Variants in FOCAD observed in about 807,000 individuals in gnomAD.
FOCAD encodes KIAA1797.
Under a neutral mutation model 225.6 loss-of-function variants are expected in FOCAD, and 198 were observed. The ratio of observed to expected loss-of-function variants is 0.88; its 90% CI spans 0.78 to 0.99. The LOEUF (loss-of-function observed/expected upper bound fraction) is 0.99. Ranked by LOEUF, FOCAD falls within the 50% of genes least tolerant of loss-of-function variation. The pLI is 0.00. For missense variants in FOCAD, 2,713 were observed against 2,123.6 expected, an observed-to-expected ratio of 1.28 and a Z score of -5.46; for synonymous variants, 897 against 755.0, an observed-to-expected ratio of 1.19 and a Z score of -3.08.
intron 11 of FOCAD, among the ~76,000 whole-genome samples, chr9:20,807,809 G>A (rs1376714336): frequency 1.3e-5 from 2 of 152,134 alleles, no homozygotes; most frequent in Non-Finnish European, 2.9e-5. Context: ...CAGCACTTTG[G>A]GAGGTGAAGG....
chr9:20,709,952 A>T (rs1824697098), intron 1 of FOCAD, among the ~76,000 whole-genome samples: 1 of 152,162 alleles, frequency 6.6e-6, no homozygotes, highest in Non-Finnish European at 1.5e-5. Flanking sequence ...ATCTTTTTGG[A>T]TGGCTCAGCT....
intron 35 of FOCAD, among the ~76,000 whole-genome samples, chr9:20,975,587 A>G (rs1840158353): frequency 6.6e-6 from 1 of 152,212 alleles, no homozygotes; most frequent in African/African-American, 2.4e-5. Flanking sequence ...GGTGTAAGTG[A>G]GCAATGAGGT....
intron 11 of FOCAD, among the ~76,000 whole-genome samples, chr9:20,807,091 A>G (rs548778718): frequency 1.5e-4 from 23 of 152,374 alleles, no homozygotes; most frequent in Non-Finnish European, 3.1e-4. Flanking sequence ...ATTAAATGAT[A>G]TAATCCAGAG....
intron 13 of FOCAD, 24 bp from the exon 14 acceptor site, chr9:20,820,916 CT>C (rs140233262): frequency 1.9e-6 from 3 of 1,601,698 alleles, no homozygotes; most frequent in African/African-American, 1.3e-5. Context: ...GGGAAACTAC[CT>C]TTTTTGTAAA....
intron 15 of FOCAD, among the ~76,000 whole-genome samples, chr9:20,825,398 C>G (rs1824782473): frequency 6.6e-6 from 1 of 151,940 alleles, no homozygotes; most frequent in African/African-American, 2.4e-5. Context: ...GTGATGTAGT[C>G]AAGGTTTCAA....
chr9:20,747,452 T>G (rs917352283), intron 5 of FOCAD, among the ~76,000 whole-genome samples: 1 of 152,212 alleles, frequency 6.6e-6, no homozygotes, highest in African/African-American at 2.4e-5. Flanking sequence ...ATATAATTTA[T>G]GTACTATAAA....
chr9:20,963,069 A>G (rs192321803), intron 35 of FOCAD, among the ~76,000 whole-genome samples: 1 of 152,248 alleles, frequency 6.6e-6, no homozygotes, highest in African/African-American at 2.4e-5. Context: ...AATTTCCAAC[A>G]GCTACTATAG....
chr9:20,889,710 T>G (rs1310716541), intron 21 of FOCAD, among the ~76,000 whole-genome samples: 1 of 152,202 alleles, frequency 6.6e-6, no homozygotes, highest in African/African-American at 2.4e-5. Context: ...TCAAAAAAAG[T>G]TCTGACTATG....
At chr9:20,743,726 C>T (rs994550922) in intron 5 of FOCAD, among the ~76,000 whole-genome samples, 2 of 152,140 alleles carry the variant, frequency 1.3e-5, no homozygotes, top group Admixed American at 6.6e-5. Context: ...TTGTGTGAGG[C>T]TCAGAAATCA....
intron 11 of FOCAD, among the ~76,000 whole-genome samples, chr9:20,808,969 A>G (rs1463079095): frequency 6.6e-6 from 1 of 152,232 alleles, no homozygotes; most frequent in Non-Finnish European, 1.5e-5. Context: ...ATGAAATAGT[A>G]TGTACAGTAT....
At chr9:20,758,068 T>C in intron 5 of FOCAD, 22 bp from the exon 6 acceptor site, 2 of 1,547,482 alleles carry the variant, frequency 1.3e-6, no homozygotes, top group South Asian at 1.2e-5. Flanking sequence ...CAGGTTCCCA[T>C]GTGACTTTCT....
intron 15 of FOCAD, among the ~76,000 whole-genome samples, chr9:20,840,865 C>T (rs752504155): frequency 3.3e-5 from 5 of 151,728 alleles, no homozygotes; most frequent in Admixed American, 6.6e-5. Flanking sequence ...GTCTGTCTTA[C>T]GTGGCTTTTA....
chr9:20,938,410 A>G (rs903182798), intron 28 of FOCAD, among the ~76,000 whole-genome samples: 1 of 152,244 alleles, frequency 6.6e-6, no homozygotes, highest in South Asian at 2.1e-4. Flanking sequence ...ATAAAAAAGG[A>G]TGAGTTCATA....
At chr9:20,934,851 C>A (rs1835805755) in intron 28 of FOCAD, among the ~76,000 whole-genome samples, 1 of 142,272 alleles carries the variant, frequency 7.0e-6, no homozygotes, top group Admixed American at 7.1e-5. Flanking sequence ...AATCAAGAAC[C>A]CCACCCCTTT....
intron 24 of FOCAD, among the ~76,000 whole-genome samples, chr9:20,922,896 T>C (rs1031644882): frequency 6.6e-6 from 1 of 152,194 alleles, no homozygotes; most frequent in Non-Finnish European, 1.5e-5. Context: ...TAATATTAAA[T>C]GTACATTTTC....
chr9:20,982,974 C>A (rs1237115566), intron 39 of FOCAD, among the ~76,000 whole-genome samples: 1 of 152,184 alleles, frequency 6.6e-6, no homozygotes, highest in Admixed American at 6.5e-5. Context: ...CAACTAATAC[C>A]AATGGTCTAG....
intron 6 of FOCAD, among the ~76,000 whole-genome samples, chr9:20,760,539 C>T (rs1486650435): frequency 6.6e-6 from 1 of 152,218 alleles, no homozygotes; most frequent in Non-Finnish European, 1.5e-5. Flanking sequence ...TTTTTACTTA[C>T]TGGTATCTAC....
chr9:20,911,007 C>T (rs544429520), intron 22 of FOCAD, among the ~76,000 whole-genome samples: 48 of 152,108 alleles, frequency 3.2e-4, no homozygotes, highest in African/African-American at 9.6e-4. Flanking sequence ...TATCTTTAAA[C>T]GGATTTTTAA....
intron 21 of FOCAD, among the ~76,000 whole-genome samples, chr9:20,886,147 C>G (rs887107046): frequency 7.2e-5 from 11 of 152,124 alleles, no homozygotes; most frequent in African/African-American, 2.7e-4. Flanking sequence ...CCATCTTTGT[C>G]CTTTGCCATC....
Sources: gnomAD v4.1 joint callset for allele counts (sites outside exome capture counted in the v4.1 genomes callset) on GRCh38, gnomAD v4.1.1 for gene constraint, MANE v1.5 for transcripts, NCBI Gene and HGNC (gene_info 2026-07-23, HGNC 2026-07-21) for gene names.